GALNT14: variants seen among roughly 807,000 people sequenced by gnomAD.
GALNT14 encodes polypeptide N-acetylgalactosaminyltransferase 14.
Under a neutral mutation model 77.5 loss-of-function variants are expected in GALNT14, and 60 were observed. That is an observed-to-expected ratio of 0.77 (90% CI 0.63 to 0.96). GALNT14 has a LOEUF of 0.96. Among genes scored for constraint, GALNT14 ranks in the 40% least tolerant of loss-of-function variants. The pLI, the probability that GALNT14 is intolerant of heterozygous loss-of-function variation, is 0.00. For missense variants in GALNT14, 710 were observed against 731.0 expected, an observed-to-expected ratio of 0.97 and a Z score of 0.33; for synonymous variants, 280 against 281.7, an observed-to-expected ratio of 0.99 and a Z score of 0.06.
At chr2:30,969,435 A>G (rs1031961905) in intron 2 of GALNT14, among the ~76,000 whole-genome samples, 1 of 152,164 alleles carries the variant, frequency 6.6e-6, no homozygotes, top group African/African-American at 2.4e-5. Flanking sequence ...GGGAGGTGGT[A>G]CTGAGAGTTA....
chr2:30,986,091 A>C (rs1196429474), intron 2 of GALNT14, among the ~76,000 whole-genome samples: 1 of 152,154 alleles, frequency 6.6e-6, no homozygotes. Context: ...CCAAGGAAAA[A>C]TGTCTTCCTG....
Position 30,932,167 on chromosome 2 carries a change from C to A in GALNT14, c.959G>T (p.Gly320Val). 2 of 1,541,920 alleles carry A rather than the reference C, an allele frequency of 1.3e-6. No homozygotes were observed. The highest frequency in any genetic ancestry group is 1.7e-6 in the Non-Finnish European group (2 of 1,144,140). ...GCAGGGGACGATCTCTAGGCTGCCC[C>A]CGCACATCCACACTCGGAAGGAGAT... ...FEISFRVWMCGGSLEIVPCSR... is the reference protein window; with the variant it reads ...FEISFRVWMCVGSLEIVPCSR... Residue 320 changes from glycine (G) to valine (V), a missense_variant, in exon 10 of 15, where the codon GGG becomes GTG. Transcript: ENST00000349752.
chr2:30,945,885 AC>A lies in GALNT14; in HGVS notation c.655-16del, dbSNP rs773123839. The A allele has an allele frequency of 1.2e-6, 2 of 1,611,486 alleles. No individual in the cohort carries two copies. Among genetic ancestry groups the A allele is most frequent in the East Asian group, 4.5e-5 (2 of 44,846 alleles). ...CGCGTGTAGTCCTGTAAGACAACAG[AC>A]CCGCACTTAGCTTATGGAGAGGAGC... is the stretch of plus-strand genomic sequence containing the variant. On this transcript the variant is annotated splice_polypyrimidine_tract_variant and intron_variant, in intron 6 of 14. Coordinates refer to ENST00000349752, the MANE Select transcript of GALNT14 (RefSeq NM_024572.4).
downstream of GALNT14, among the ~76,000 whole-genome samples, chr2:30,907,440 C>A (rs1378583909): frequency 2.6e-5 from 4 of 152,268 alleles, no homozygotes; most frequent in African/African-American, 4.8e-5. Context: ...AACTCTACGC[C>A]AATAAACTAG....
intron 4 of GALNT14, among the ~76,000 whole-genome samples, chr2:30,957,440 T>G (rs1011806161): frequency 2.0e-5 from 3 of 152,098 alleles, no homozygotes; most frequent in African/African-American, 7.2e-5. Context: ...TCTCTTCTCT[T>G]GCTTCAGTGC....
chr2:31,038,097 T>A (rs868549305), intron 1 of GALNT14, among the ~76,000 whole-genome samples: 4,885 of 94,580 alleles, frequency 0.052, 166 homozygotes, highest in East Asian at 0.18. Flanking sequence ...TTTTTTTTTT[T>A]TTTTTTTTTT....
At chr2:30,977,349 C>T (rs1302534522) in intron 2 of GALNT14, among the ~76,000 whole-genome samples, 15 of 152,198 alleles carry the variant, frequency 9.9e-5, no homozygotes. Flanking sequence ...CCAGGTCCTC[C>T]CAAAGTGCTG....
intron 1 of GALNT14, among the ~76,000 whole-genome samples, chr2:31,137,519 G>C (rs1264794831): frequency 6.6e-6 from 1 of 152,044 alleles, no homozygotes; most frequent in Non-Finnish European, 1.5e-5. Flanking sequence ...CCCGGCCTCC[G>C]GCCTCCCCAG....
chr2:31,028,982 C>T (rs762134079), intron 1 of GALNT14, among the ~76,000 whole-genome samples: 2 of 152,114 alleles, frequency 1.3e-5, no homozygotes, highest in Admixed American at 6.6e-5. Context: ...GGGATGAGAA[C>T]ATTTATTAGC....
intron 2 of GALNT14, among the ~76,000 whole-genome samples, chr2:30,970,538 C>T (rs1032962759): frequency 3.3e-5 from 5 of 152,098 alleles, no homozygotes; most frequent in Admixed American, 3.3e-4. Flanking sequence ...TTCAGCTCAT[C>T]GACTAGAATC....
chr2:31,069,515 GT>G (rs1160223327), intron 1 of GALNT14, among the ~76,000 whole-genome samples: 1 of 152,190 alleles, frequency 6.6e-6, no homozygotes, highest in Non-Finnish European at 1.5e-5. Context: ...TCTCTGAGAG[GT>G]TGAATGAATG....
In GALNT14 at chr2:31,063,034, G is replaced by A. The variant is rs187378138; in HGVS notation, c.130-70027C>T. Among the ~76,000 whole-genome samples the A allele has an allele frequency of 5.4e-4, 82 of 152,276 alleles. 1 individual carries two copies. The highest frequency in any genetic ancestry group is 1.6e-3 in the African/African-American group (68 of 41,562). On this transcript the variant is annotated intron_variant, in intron 1 of 14. Transcript: ENST00000349752. The stretch of plus-strand genomic sequence containing the variant: ...AGGTTGTCTGTTCACTCTGATGATA[G>A]TTTCTTTTGCTGTGCAGAAGCTCTT...
chr2:30,988,529 C>T (rs145028887), intron 2 of GALNT14, among the ~76,000 whole-genome samples: 10 of 152,156 alleles, frequency 6.6e-5, no homozygotes, highest in Non-Finnish European at 1.3e-4. Context: ...CCGCAGAGCC[C>T]GAGACAGAAG....
rs546514815 is a variant in GALNT14 at position 30,910,608 on chromosome 2, C to A, written c.*293G>T. 3 of 310,402 alleles carry A rather than the reference C, an allele frequency of 9.7e-6. No individual in the cohort carries two copies. Among genetic ancestry groups the A allele is most frequent in the South Asian group, 7.7e-5 (1 of 12,954 alleles). The allele number at this position is 310,402 out of a possible 1,614,324, so 19.2% of individuals were successfully genotyped here. ...ACTGCTTCCTTTGTAGGAAAAGGAA[C>A]AATAAACACTTCCCATTAGGTTTCT... On this transcript the variant is annotated 3_prime_UTR_variant, in exon 15 of 15. Transcript: ENST00000349752.
chr2:30,901,675 ATG>A, the GALNT14 span, among the ~76,000 whole-genome samples: 11 of 152,148 alleles, frequency 7.2e-5, no homozygotes, highest in South Asian at 6.2e-4. Flanking sequence ...GTATGTATAT[ATG>A]TGTGTATATA....
intron 3 of GALNT14, 61 bp from the exon 4 acceptor site, chr2:30,958,525 C>T: frequency 2.2e-6 from 3 of 1,359,594 alleles, no homozygotes; most frequent in Non-Finnish European, 3.2e-6. Flanking sequence ...TATGTACTAA[C>T]CCGAGTTTTA....
chr2:30,922,985 T>G (rs1665123237), intron 13 of GALNT14, among the ~76,000 whole-genome samples: 1 of 151,462 alleles, frequency 6.6e-6, no homozygotes, highest in Non-Finnish European at 1.5e-5. Context: ...CTGGGAACCT[T>G]GATGAATACC....
chr2:31,021,828 G>C (rs570580608), intron 1 of GALNT14, among the ~76,000 whole-genome samples: 4 of 152,232 alleles, frequency 2.6e-5, no homozygotes, highest in Non-Finnish European at 4.4e-5. Flanking sequence ...AAGGCCGGAA[G>C]TCAGAGGACT....
intron 2 of GALNT14, among the ~76,000 whole-genome samples, chr2:30,989,703 A>T (rs1192566971): frequency 3.2e-5 from 4 of 124,234 alleles, no homozygotes; most frequent in African/African-American, 1.3e-4. Context: ...GTATATATAT[A>T]AATATATATA....
Sources: allele counts gnomAD v4.1 joint callset (sites outside exome capture counted in the v4.1 genomes callset), GRCh38; gene constraint gnomAD v4.1.1; transcripts MANE v1.5; gene names NCBI Gene and HGNC (gene_info 2026-07-23, HGNC 2026-07-21).